TLE7: variants seen among roughly 807,000 people sequenced by gnomAD.
TLE7 encodes the protein TLE family member 7.
chr16:71,434,547 G>T (rs541029056), intron 1 of TLE7, among the ~76,000 whole-genome samples: 2 of 152,322 alleles, frequency 1.3e-5, no homozygotes, highest in East Asian at 3.9e-4. Flanking sequence ...AAGCACCAGG[G>T]TGGGGGCCCA....
chr16:71,434,537 A>T (rs763343053), intron 1 of TLE7, among the ~76,000 whole-genome samples: 1 of 152,198 alleles, frequency 6.6e-6, no homozygotes, highest in African/African-American at 2.4e-5. Flanking sequence ...ACTCTATGGC[A>T]AGCACCAGGG....
At chr16:71,439,356 G>A (rs2042838712) in intron 1 of TLE7, among the ~76,000 whole-genome samples, 1 of 152,174 alleles carries the variant, frequency 6.6e-6, no homozygotes, top group South Asian at 2.1e-4. Flanking sequence ...AGACAGAAGG[G>A]CAGAGGCAAA....
intron 1 of TLE7, among the ~76,000 whole-genome samples, chr16:71,435,066 T>C (rs994484538): frequency 6.6e-6 from 1 of 152,148 alleles, no homozygotes; most frequent in African/African-American, 2.4e-5. Context: ...AGGAGACTGG[T>C]GCAATAAGTT....
chr16:71,431,197 G>A lies in TLE7; in HGVS notation c.1071C>T (p.His357=). Residue 357 remains histidine, a synonymous_variant, in exon 8 of 10, where the codon CAC becomes CAT. Coordinates refer to ENST00000561754, the MANE Select transcript of TLE7 (RefSeq NM_001367365.2). The surrounding 1 kb of genome is among the most constrained non-coding windows in gnomAD (Gnocchi z 4.5). The part of the protein sequence containing the change: ...GLRTSDIVFL[H]TRRNEQFKAL... The stretch of plus-strand genomic sequence containing the variant: ...CCTTAAACTGCTCATTCCGACGAGT[G>A]TGAAGGAACACGATATCACTCGTTC... 1 of 400,672 alleles carries A rather than the reference G, an allele frequency of 2.5e-6. No individual in the cohort carries two copies. Among genetic ancestry groups the A allele is most frequent in the Non-Finnish European group, 4.4e-6 (1 of 226,242 alleles). The allele number at this position is 400,672 out of a possible 1,614,324, so 24.8% of individuals were successfully genotyped here. A position where few individuals can be genotyped will look rare whatever the true frequency, so the allele number is the denominator to read the frequency against.
chr16:71,437,670 C>A (rs1567556515), intron 1 of TLE7, among the ~76,000 whole-genome samples: 1 of 152,102 alleles, frequency 6.6e-6, no homozygotes, highest in African/African-American at 2.4e-5. Context: ...GAAGCTGGAC[C>A]CCTTTCCTCC....
chr16:71,440,281 G>A (rs950769490), intron 1 of TLE7, among the ~76,000 whole-genome samples: 1 of 152,172 alleles, frequency 6.6e-6, no homozygotes. Flanking sequence ...GGTGGTGATG[G>A]TTGTGCAACA....
rs1412462269 is a variant in TLE7 at position 71,430,368 on chromosome 16, T to A, written c.1222-2A>T. On this transcript the variant is annotated splice_acceptor_variant, in intron 9 of 9. Transcript: ENST00000561754. LOFTEE classifies it high-confidence loss of function. Reference sequence around the variant, plus strand: ...CAGGATACCTGAAGACTCCTCTATCTAGATGGATGGAAGGGCCAAAACAGG... The same window carrying A: ...CAGGATACCTGAAGACTCCTCTATCAAGATGGATGGAAGGGCCAAAACAGG... The A allele has an allele frequency of 1.5e-5, 6 of 398,658 alleles. No homozygotes were observed. The highest frequency in any genetic ancestry group is 8.8e-6 in the Non-Finnish European group (2 of 226,206). The allele number at this position is 398,658 out of a possible 1,614,324, so 24.7% of individuals were successfully genotyped here.
intron 1 of TLE7, among the ~76,000 whole-genome samples, chr16:71,434,083 T>C (rs551294242): frequency 2.6e-5 from 4 of 151,966 alleles, no homozygotes; most frequent in East Asian, 3.9e-4. Context: ...CCTAGAGGGG[T>C]TGGAGGAAAC....
rs1484547612 is a variant in TLE7, at chr16:71,430,336, C to T, written c.1252G>A (p.Asp418Asn). ...AGATACTGGTTGTCAGAGGACACGTCACAGCACAGGATACCTGAAGACTCC... is the reference window on the plus strand; with the variant it reads ...AGATACTGGTTGTCAGAGGACACGTTACAGCACAGGATACCTGAAGACTCC... Reference protein sequence around the residue: ...IEESSGILCCDVSSDNQYLVM... With the variant: ...IEESSGILCCNVSSDNQYLVM... The change falls in exon 10 of 10, where the codon GAC becomes AAC. Residue 418 changes from aspartate to asparagine, a missense_variant. By Grantham distance (23) the Asp-to-Asn change is conservative. Coordinates refer to ENST00000561754, the MANE Select transcript of TLE7 (RefSeq NM_001367365.2). 2.5e-6 allele frequency: 1 copy of T among 398,518 alleles called. No individual in the cohort carries two copies. The highest frequency in any genetic ancestry group is 4.4e-6 in the Non-Finnish European group (1 of 226,118). 24.7% of individuals were successfully genotyped at this position (398,518 alleles called of 1,614,324 possible).
intron 1 of TLE7, among the ~76,000 whole-genome samples, chr16:71,434,713 G>A (rs532898574): frequency 2.0e-5 from 3 of 152,230 alleles, no homozygotes; most frequent in African/African-American, 7.2e-5. Context: ...GAGAGCACTG[G>A]GTCCATGATC....
Position 71,431,756 on chromosome 16 carries a change from C to A in TLE7, c.851+5G>T. 2.5e-6 allele frequency: 1 copy of A among 400,684 alleles called. No individual in the cohort carries two copies. The highest frequency in any genetic ancestry group is 1.3e-4 in the South Asian group (1 of 7,880). 24.8% of individuals were successfully genotyped at this position (400,684 alleles called of 1,614,324 possible). Reference sequence around the variant, plus strand: ...CACCTGAGTGGCTCTGGAGAGAGGTCATACCTGATCAAGATTTGGTTCTGC... The same window carrying A: ...CACCTGAGTGGCTCTGGAGAGAGGTAATACCTGATCAAGATTTGGTTCTGC... On this transcript the variant is annotated splice_donor_5th_base_variant and intron_variant, in intron 6 of 9. Transcript: ENST00000561754. The surrounding 1 kb of genome is among the most constrained non-coding windows in gnomAD (Gnocchi z 4.5).
In TLE7 at chr16:71,430,761, G is replaced by C; in HGVS notation, c.1148-20C>G. The C allele has an allele frequency of 2.5e-6, 1 of 398,508 alleles. No individual in the cohort carries two copies. Among genetic ancestry groups the C allele is most frequent in the Non-Finnish European group, 4.4e-6 (1 of 226,028 alleles). The allele number at this position is 398,508 out of a possible 1,614,324, so 24.7% of individuals were successfully genotyped here. On this transcript the variant is annotated intron_variant, in intron 8 of 9. Transcript: ENST00000561754. ...AGCTCCCTGGTGAAGGAACGAACAG[G>C]TGAGAGGCCAGAGACCAATCCTGCA...
intron 1 of TLE7, among the ~76,000 whole-genome samples, chr16:71,438,439 AAAG>A (rs1472718100): frequency 2.0e-4 from 29 of 144,844 alleles, no homozygotes; most frequent in African/African-American, 6.6e-4. Flanking sequence ...AAAAAAAAAA[AAAG>A]AGAGAGAGAA....
Position 71,433,221 on chromosome 16 carries a change from G to A in TLE7, c.104C>T (p.Pro35Leu). Reference protein sequence around the residue: ...VLESSGVSSQPEPQVQQQLGS... With the variant: ...VLESSGVSSQLEPQVQQQLGS... The stretch of plus-strand genomic sequence containing the variant: ...CAGTTGCTGCTGCACTTGTGGCTCA[G>A]GCTGAGAGGAAACGCCAGAGCTTTC... Residue 35 changes from proline to leucine, a missense_variant, in exon 2 of 10, where the codon CCT becomes CTT. Coordinates refer to ENST00000561754, the MANE Select transcript of TLE7 (RefSeq NM_001367365.2). 2.5e-6 allele frequency: 1 copy of A among 398,766 alleles called. No homozygotes were observed. Among genetic ancestry groups the A allele is most frequent in the Non-Finnish European group, 4.4e-6 (1 of 226,192 alleles). 24.7% of individuals were successfully genotyped at this position (398,766 alleles called of 1,614,324 possible).
chr16:71,438,890 T>C (rs1012041634), intron 1 of TLE7, among the ~76,000 whole-genome samples: 5 of 152,084 alleles, frequency 3.3e-5, no homozygotes, highest in Admixed American at 6.5e-5. Context: ...GAAATTCAGG[T>C]GTATGTGGGC....
At chr16:71,430,988 C>T in intron 8 of TLE7, 133 bp downstream of exon 8, 2 of 399,424 alleles carry the variant, frequency 5.0e-6, no homozygotes, top group Non-Finnish European at 8.8e-6. Flanking sequence ...CCTGAGTCTT[C>T]AGGCTGTCAT....
rs777674027 is a variant in TLE7, at chr16:71,431,612, C to T, written c.852-50G>A. ...AGGGTCACTGAATGGTTTGGGCCCC[C>T]GGGAAGTTTCAGGGTCAGGAAGCCC... On this transcript the variant is annotated intron_variant, in intron 6 of 9. Transcript: ENST00000561754. This position sits in a 1 kb window ranked among gnomAD's most constrained non-coding sequence, Gnocchi z 4.5. 3.5e-5 allele frequency: 14 copies of T among 400,440 alleles called. No individual in the cohort carries two copies. Among genetic ancestry groups the T allele is most frequent in the Admixed American group, 8.8e-5 (2 of 22,714 alleles). The allele number at this position is 400,440 out of a possible 1,614,324, so 24.8% of individuals were successfully genotyped here.
Position 71,431,041 on chromosome 16 carries a change from A to G in TLE7, c.1147+80T>C, listed in dbSNP as rs1423998288. 1.0e-5 allele frequency: 4 copies of G among 400,252 alleles called. No individual in the cohort carries two copies. Among genetic ancestry groups the G allele is most frequent in the Non-Finnish European group, 1.8e-5 (4 of 226,222 alleles). The allele number at this position is 400,252 out of a possible 1,614,324, so 24.8% of individuals were successfully genotyped here. On this transcript the variant is annotated intron_variant, in intron 8 of 9. Coordinates refer to ENST00000561754, the MANE Select transcript of TLE7 (RefSeq NM_001367365.2). The surrounding 1 kb of genome is among the most constrained non-coding windows in gnomAD (Gnocchi z 4.5). ...ATTACGGAGGGAGCCAGAAAAGGAA[A>G]GGGGGGTGAACAGAGAAAGAAGAGA... is the stretch of plus-strand genomic sequence containing the variant.
chr16:71,436,059 G>T (rs2145045090), intron 1 of TLE7, among the ~76,000 whole-genome samples: 1 of 152,196 alleles, frequency 6.6e-6, no homozygotes, highest in South Asian at 2.1e-4. Flanking sequence ...CCAGAGCTAG[G>T]AACACAGAGC....
Sources: allele counts gnomAD v4.1 joint callset (sites outside exome capture counted in the v4.1 genomes callset), GRCh38; gene constraint gnomAD v4.1.1; non-coding constraint Gnocchi (gnomAD v3.1); transcripts MANE v1.5; gene names NCBI Gene and HGNC (gene_info 2026-07-23, HGNC 2026-07-21).